The following THUMPD1 variants were observed in gnomAD, a reference collection of about 807,000 sequenced individuals.
THUMPD1 encodes THUMP domain 1 NAT10 acetyltransferase adaptor, also known as THUMP domain-containing protein 1.
A neutral mutation model predicts 31.6 loss-of-function variants in THUMPD1; 31 were observed. That is an observed-to-expected ratio of 0.98 (90% CI 0.74 to 1.32). The LOEUF (loss-of-function observed/expected upper bound fraction) is 1.32. Among genes scored for constraint, THUMPD1 ranks in the 40% most tolerant of loss-of-function variants. The probability of loss-of-function intolerance (pLI) is 0.00; values close to 1 mark genes in which losing one functional copy is unlikely to be tolerated. For missense variants in THUMPD1, 446 were observed against 427.8 expected (o/e 1.04, Z -0.38); for synonymous variants, 166 against 158.2 (o/e 1.05, Z -0.37).
rs1222340806 is a variant in THUMPD1, at chr16:20,741,611, T to C, written c.129A>G (p.Leu43=). Residue 43 remains leucine, a synonymous_variant, in exon 1 of 4, where the codon CTA becomes CTG. Coordinates refer to ENST00000396083, the MANE Select transcript of THUMPD1 (RefSeq NM_017736.5). ...TATTGCAGGTGATGAGGATGCCCTG[T>C]AGCCCGGGCTCTAGCTGACGGGGCC... The part of the protein sequence containing the change: ...AGGPRQLEPG[L]QGILITCNMN... 2.5e-6 allele frequency: 4 copies of C among 1,573,264 alleles called. No homozygotes were observed. Among genetic ancestry groups the C allele is most frequent in the South Asian group, 2.3e-5 (2 of 86,142 alleles).
chr16:20,741,478 C>CTGGGGG, intron 1 of THUMPD1, 31 bp downstream of exon 1: 1 of 1,336,932 alleles, frequency 7.5e-7, no homozygotes, highest in Non-Finnish European at 9.7e-7. Context: ...GGCCTGGCAG[C>CTGGGGG]CGGCCCGCCC....
chr16:20,741,751 A>C lies in THUMPD1; in HGVS notation c.-12T>G. 5 of 1,560,456 alleles carry C rather than the reference A, an allele frequency of 3.2e-6. No homozygotes were observed. Among genetic ancestry groups the C allele is most frequent in the Non-Finnish European group, 4.3e-6 (5 of 1,151,824 alleles). ...GCAGGGGCCGCCATGGTGTGCGCAA[A>C]CTGAGAGGAAAGAGAAACGTTTCTC... is the stretch of plus-strand genomic sequence containing the variant. On this transcript the variant is annotated 5_prime_UTR_variant, in exon 1 of 4. Coordinates refer to ENST00000396083, the MANE Select transcript of THUMPD1 (RefSeq NM_017736.5).
intron 3 of THUMPD1, among the ~76,000 whole-genome samples, 188 bp downstream of exon 3, chr16:20,737,520 A>G (rs529822633): frequency 5.3e-5 from 8 of 152,344 alleles, no homozygotes; most frequent in African/African-American, 1.9e-4. Context: ...AAAGACTTTT[A>G]TCTAACTACC....
At position 20,737,224 on chromosome 16, in the gene THUMPD1, C is replaced by T; in HGVS notation, c.718G>A (p.Val240Ile). 2 of 1,614,168 alleles carry T rather than the reference C, an allele frequency of 1.2e-6. No individual in the cohort carries two copies. Among genetic ancestry groups the T allele is most frequent in the African/African-American group, 1.3e-5 (1 of 75,040 alleles). The change falls in exon 4 of 4, where the codon GTA becomes ATA. Residue 240 changes from valine to isoleucine, a missense_variant. Transcript: ENST00000396083. The part of the protein sequence containing the change: ...VDLTNPQYTV[V>I]VEIIKAVCCL... ...CAGACAGCTTTGATGATTTCTACTA[C>T]CACTGTGTACTGTGGATTGGTGAGA...
chr16:20,737,663 T>C, intron 3 of THUMPD1, 45 bp downstream of exon 3: 1 of 1,552,956 alleles, frequency 6.4e-7, no homozygotes, highest in Non-Finnish European at 8.7e-7. Flanking sequence ...AAAAAACAAG[T>C]ATTTACCATT....
In THUMPD1 at chr16:20,738,778, C is replaced by G; in HGVS notation, c.406+119G>C. 7 of 1,147,550 alleles carry G rather than the reference C, an allele frequency of 6.1e-6. No individual in the cohort carries two copies. In the South Asian group the frequency reaches 1.0e-4, roughly 16 times the overall value. 71.1% of individuals were successfully genotyped at this position (1,147,550 alleles called of 1,614,324 possible). On this transcript the variant is annotated intron_variant, in intron 2 of 3. Transcript: ENST00000396083. The stretch of plus-strand genomic sequence containing the variant: ...CAACTGCTAATACAGTGTACAGAAG[C>G]TGCCATCAAATGATTAACTGAGTCA...
At chr16:20,740,211 G>A (rs4783369) in intron 1 of THUMPD1, among the ~76,000 whole-genome samples, 64,934 of 152,072 alleles carry the variant, frequency 0.43, 16,403 homozygotes, top group Non-Finnish European at 0.58. Flanking sequence ...TGGACAACAT[G>A]GCCTGAGAAC....
chr16:20,737,383 C>A, intron 3 of THUMPD1, 97 bp from the exon 4 acceptor site: 1 of 1,257,636 alleles, frequency 8.0e-7, no homozygotes, highest in Non-Finnish European at 1.1e-6. Context: ...TAAAACAAGA[C>A]ATACAGTAAT....
chr16:20,736,431 A>T lies in THUMPD1; in HGVS notation c.*449T>A, dbSNP rs2079870039. The stretch of plus-strand genomic sequence containing the variant: ...ACAAGAAAATCACAAAAGTACAAAA[A>T]CTTCACTAAACAATTCACTTCTAAC... On this transcript the variant is annotated 3_prime_UTR_variant, in exon 4 of 4. Coordinates refer to ENST00000396083, the MANE Select transcript of THUMPD1 (RefSeq NM_017736.5). 6.5e-6 allele frequency: 1 copy of T among 154,634 alleles called. No homozygotes were observed. The highest frequency in any genetic ancestry group is 1.4e-5 in the Non-Finnish European group (1 of 69,808). The allele number at this position is 154,634 out of a possible 1,614,324, so 9.6% of individuals were successfully genotyped here.
chr16:20,738,301 A>G (rs1367066355), intron 2 of THUMPD1: 2 of 395,572 alleles, frequency 5.1e-6, no homozygotes, highest in Admixed American at 6.9e-5. Flanking sequence ...AACAGTACAC[A>G]CTTTTTTACA....
chr16:20,737,850 A>G lies in THUMPD1; in HGVS notation c.513T>C (p.Ala171=). 1.2e-6 allele frequency: 2 copies of G among 1,613,964 alleles called. No homozygotes were observed. Among genetic ancestry groups the G allele is most frequent in the Non-Finnish European group, 1.7e-6 (2 of 1,179,936 alleles). The part of the protein sequence containing the change: ...RMLPISGTCK[A]FLEDMKKYAE... ...CATATTTTTTCATATCTTCTAAAAA[A>G]GCCTTGCATGTGCCTGAGATGGGTA... Residue 171 remains alanine (A), a synonymous_variant, in exon 3 of 4, where the codon GCT becomes GCC. Coordinates refer to ENST00000396083, the MANE Select transcript of THUMPD1 (RefSeq NM_017736.5).
chr16:20,741,496 C>A lies in THUMPD1; in HGVS notation c.231+13G>T. 3 of 1,365,370 alleles carry A rather than the reference C, an allele frequency of 2.2e-6. No homozygotes were observed. The highest frequency in any genetic ancestry group is 3.2e-5 in the East Asian group (1 of 31,690). 84.6% of individuals were successfully genotyped at this position (1,365,370 alleles called of 1,614,324 possible). ...CTGGCAGCCGGCCCGCCCGCCCACC[C>A]CGGGACCGGTACCTTTTCTGGCCCA... On this transcript the variant is annotated intron_variant, in intron 1 of 3. Coordinates refer to ENST00000396083, the MANE Select transcript of THUMPD1 (RefSeq NM_017736.5).
In THUMPD1 at chr16:20,736,855, C is replaced by T. The variant is rs754119532; in HGVS notation, c.*25G>A. On this transcript the variant is annotated 3_prime_UTR_variant, in exon 4 of 4. Coordinates refer to ENST00000396083, the MANE Select transcript of THUMPD1 (RefSeq NM_017736.5). ...ATCTCGTAGAGCCCCAGGTGAGAAA[C>T]CCACCTCCAACACCAAATGACTTCC... 6.2e-7 allele frequency: 1 copy of T among 1,605,070 alleles called. No individual in the cohort carries two copies. The highest frequency in any genetic ancestry group is 8.5e-7 in the Non-Finnish European group (1 of 1,174,582).
Position 20,737,318 on chromosome 16 carries a change from G to A in THUMPD1, c.656-32C>T, listed in dbSNP as rs576390376. 1.3e-5 allele frequency: 21 copies of A among 1,572,222 alleles called. No homozygotes were observed. The African/African-American group carries it at 2.6e-4, about 19-fold the overall frequency. On this transcript the variant is annotated intron_variant, in intron 3 of 3. Transcript: ENST00000396083. ...CAAAAACAGAAAAACACATAGCTGA[G>A]GAGGATACCATTACATCTGATAGAT...
At position 20,734,087 on chromosome 16, in the gene THUMPD1, A is replaced by G. The variant is rs1199993042; in HGVS notation, c.*2793T>C. 1 of 151,846 alleles carries G rather than the reference A, an allele frequency of 6.6e-6. No individual in the cohort carries two copies. Among genetic ancestry groups the G allele is most frequent in the Non-Finnish European group, 1.5e-5 (1 of 67,908 alleles). The allele number at this position is 151,846 out of a possible 1,614,324, so 9.4% of individuals were successfully genotyped here. A position where few individuals can be genotyped will look rare whatever the true frequency, so the allele number is the denominator to read the frequency against. On this transcript the variant is annotated 3_prime_UTR_variant, in exon 4 of 4. Coordinates refer to ENST00000396083, the MANE Select transcript of THUMPD1 (RefSeq NM_017736.5). The stretch of plus-strand genomic sequence containing the variant: ...GTAACTGGGAAAGAACAGCTTGTGT[A>G]ACAACCGATTCTTACCAAATACAAA...
rs1469670874 is a variant in THUMPD1, at chr16:20,733,834, T to G, written c.*3046A>C. On this transcript the variant is annotated 3_prime_UTR_variant, in exon 4 of 4. Coordinates refer to ENST00000396083, the MANE Select transcript of THUMPD1 (RefSeq NM_017736.5). Reference sequence around the variant, plus strand: ...AAATACAAAGTTTAACATTCTTTCCTCTATGGAGCTAAACAAGTTTTCTAA... The same window carrying G: ...AAATACAAAGTTTAACATTCTTTCCGCTATGGAGCTAAACAAGTTTTCTAA... 1 of 152,110 alleles carries G rather than the reference T, an allele frequency of 6.6e-6. No homozygotes were observed. The highest frequency in any genetic ancestry group is 1.5e-5 in the Non-Finnish European group (1 of 67,988). The allele number at this position is 152,110 out of a possible 1,614,324, so 9.4% of individuals were successfully genotyped here.
rs1433132762 is a variant in THUMPD1 at position 20,735,339 on chromosome 16, G to GGTTTAT, written c.*1535_*1540dup. ...CACTGGATGTCTGTATGGTGCAGGA[G>GGTTTAT]GTTTATGTGCTGTCTGTCCAGGTTT... On this transcript the variant is annotated 3_prime_UTR_variant, in exon 4 of 4. Coordinates refer to ENST00000396083, the MANE Select transcript of THUMPD1 (RefSeq NM_017736.5). 1.3e-5 allele frequency: 2 copies of GGTTTAT among 151,274 alleles called. No homozygotes were observed. The highest frequency in any genetic ancestry group is 4.9e-5 in the African/African-American group (2 of 41,174). 9.4% of individuals were successfully genotyped at this position (151,274 alleles called of 1,614,324 possible). A position where few individuals can be genotyped will look rare whatever the true frequency, so the allele number is the denominator to read the frequency against.
chr16:20,738,880 G>T lies in THUMPD1; in HGVS notation c.406+17C>A. 2 of 1,612,364 alleles carry T rather than the reference G, an allele frequency of 1.2e-6. No homozygotes were observed. The highest frequency in any genetic ancestry group is 1.7e-6 in the Non-Finnish European group (2 of 1,178,714). ...AGATGTTATGAGATCGATAATCTTA[G>T]CAAGTATTTGTCACACCTATCCCAA... On this transcript the variant is annotated intron_variant, in intron 2 of 3. Transcript: ENST00000396083.
chr16:20,738,981 C>T lies in THUMPD1; in HGVS notation c.322G>A (p.Ala108Thr), dbSNP rs778451641. The change falls in exon 2 of 4, where the codon GCA becomes ACA. Residue 108 changes from alanine (A) to threonine (T), a missense_variant. By Grantham distance (58) the Ala-to-Thr change is moderately conservative. Coordinates refer to ENST00000396083, the MANE Select transcript of THUMPD1 (RefSeq NM_017736.5). The stretch of plus-strand genomic sequence containing the variant: ...CTTCTTAACCTCATCTCTGTAGATG[C>T]CTTAATGTCACCAACTTCTTTCTTC... Reference protein sequence around the residue: ...ALKKEVGDIKASTEMRLRRFQ... With the variant: ...ALKKEVGDIKTSTEMRLRRFQ... 1 of 1,614,086 alleles carries T rather than the reference C, an allele frequency of 6.2e-7. No homozygotes were observed. Among genetic ancestry groups the T allele is most frequent in the Non-Finnish European group, 8.5e-7 (1 of 1,180,050 alleles).
Sources: allele counts gnomAD v4.1 joint callset (sites outside exome capture counted in the v4.1 genomes callset), GRCh38; gene constraint gnomAD v4.1.1; transcripts MANE v1.5; gene names NCBI Gene and HGNC (gene_info 2026-07-23, HGNC 2026-07-21).